Variants in KMT2C observed in about 807,000 individuals in gnomAD.
KMT2C encodes the protein lysine methyltransferase 2C, also known as histone-lysine N-methyltransferase 2C.
In KMT2C, 88 loss-of-function variants were observed where a neutral mutation model predicts 507.9. The ratio of observed to expected loss-of-function variants is 0.17; its 90% CI spans 0.15 to 0.21. The LOEUF (loss-of-function observed/expected upper bound fraction) is 0.21. Among genes scored for constraint, KMT2C ranks in the 10% least tolerant of loss-of-function variants. The pLI is 1.00. For synonymous variants in KMT2C, 2,049 were observed against 2,080.8 expected (o/e 0.98, Z 0.42); for missense variants, 4,954 against 5,957.8 (o/e 0.83, Z 5.55).
At chr7:152,355,317 T>C (rs2097143091) in intron 2 of KMT2C, among the ~76,000 whole-genome samples, 2 of 152,088 alleles carry the variant, frequency 1.3e-5, no homozygotes, top group Non-Finnish European at 2.9e-5. Flanking sequence ...ACACACTAAA[T>C]ATGAGATCCT....
chr7:152,163,702 G>T lies in KMT2C; in HGVS notation c.9875C>A (p.Pro3292Gln). 1 of 1,614,096 alleles carries T rather than the reference G, an allele frequency of 6.2e-7. No individual in the cohort carries two copies. Among genetic ancestry groups the T allele is most frequent in the Non-Finnish European group, 8.5e-7 (1 of 1,180,012 alleles). The change falls in exon 43 of 59, where the codon CCA becomes CAA. Residue 3292 changes from proline (P) to glutamine (Q), a missense_variant. Physicochemically the swap from Pro to Gln is moderately conservative, Grantham distance 76 (BLOSUM62 -1). Coordinates refer to ENST00000262189, the MANE Select transcript of KMT2C (RefSeq NM_170606.3). ...GCTCATGGTGGGTGGAGTGGCACCTGGAATTAGGGGTGGCTGGGGCTGGAC... is the reference window on the plus strand; with the variant it reads ...GCTCATGGTGGGTGGAGTGGCACCTTGAATTAGGGGTGGCTGGGGCTGGAC... ...PSVQPQPPLI[P>Q]GATPPTMSQP...
rs559765292 is a variant in KMT2C, at chr7:152,257,568, G to C, written c.1300-4853C>G. Among the ~76,000 whole-genome samples, 4 of 152,220 alleles carry C rather than the reference G, an allele frequency of 2.6e-5. No homozygotes were observed. The South Asian group carries it at 8.3e-4, about 32-fold the overall frequency. ...GAAGCAGACTTGCTTTTTAGATTGAGCAACTGAATAAATGTGCTGATGTTG... is the reference window on the plus strand; with the variant it reads ...GAAGCAGACTTGCTTTTTAGATTGACCAACTGAATAAATGTGCTGATGTTG... On this transcript the variant is annotated intron_variant, in intron 9 of 58. Coordinates refer to ENST00000262189, the MANE Select transcript of KMT2C (RefSeq NM_170606.3).
chr7:152,243,458 C>T (rs1403652293), intron 14 of KMT2C, among the ~76,000 whole-genome samples: 3 of 152,048 alleles, frequency 2.0e-5, no homozygotes, highest in Non-Finnish European at 4.4e-5. Flanking sequence ...AATACAGTAC[C>T]TATGTTTTCA....
intron 23 of KMT2C, among the ~76,000 whole-genome samples, chr7:152,217,301 G>A (rs952704869): frequency 2.0e-5 from 3 of 152,160 alleles, no homozygotes; most frequent in Non-Finnish European, 2.9e-5. Flanking sequence ...TTTTAGGGGT[G>A]TGTGTGTACA....
chr7:152,415,037 G>T (rs1589871398), intron 1 of KMT2C, among the ~76,000 whole-genome samples: 1 of 151,792 alleles, frequency 6.6e-6, no homozygotes, highest in African/African-American at 2.4e-5. Context: ...GTAGAGACAG[G>T]ATCTCACCAT....
At chr7:152,421,793 A>G (rs2097778678) in intron 1 of KMT2C, among the ~76,000 whole-genome samples, 2 of 152,268 alleles carry the variant, frequency 1.3e-5, no homozygotes, top group Admixed American at 6.5e-5. Flanking sequence ...TACTATGCTC[A>G]CTATCTGAGT....
chr7:152,347,527 G>C (rs529983854), intron 2 of KMT2C, among the ~76,000 whole-genome samples: 1 of 152,150 alleles, frequency 6.6e-6, no homozygotes, highest in Admixed American at 6.5e-5. Context: ...CAACACTTGA[G>C]TTCACTGCAA....
intron 23 of KMT2C, among the ~76,000 whole-genome samples, chr7:152,216,686 A>C (rs2094591798): frequency 2.0e-5 from 3 of 152,242 alleles, no homozygotes; most frequent in African/African-American, 7.2e-5. Context: ...AAAGACATGG[A>C]AACATTAAGC....
At chr7:152,297,095 A>AGAGAGAGAGAG (rs1563768364) in intron 6 of KMT2C, among the ~76,000 whole-genome samples, 22 of 109,968 alleles carry the variant, frequency 2.0e-4, no homozygotes, top group South Asian at 3.0e-4. Context: ...GAGAGAGAGA[A>AGAGAGAGAGAG]AGAAAGAAAG....
rs183096736 is a variant in KMT2C, at chr7:152,216,403, T to C, written c.3712+4120A>G. ...AGAAACAAAAAGTCATAGGTATTGT[T>C]CCAATACTCCAGGAACATCACAGTT... is the stretch of plus-strand genomic sequence containing the variant. On this transcript the variant is annotated intron_variant, in intron 23 of 58. Transcript: ENST00000262189. Among the ~76,000 whole-genome samples the C allele has an allele frequency of 5.8e-3, 884 of 152,324 alleles. 6 individuals are homozygous for C. Among genetic ancestry groups the C allele is most frequent in the African/African-American group, 0.02 (849 of 41,568 alleles).
rs183551076 is a variant in KMT2C at position 152,386,902 on chromosome 7, T to C, written c.162-28227A>G. 7.4e-4 allele frequency among the ~76,000 whole-genome samples: 112 copies of C among 152,284 alleles called. 1 individual carries two copies. Among genetic ancestry groups the C allele is most frequent in the Admixed American group, 3.9e-4 (6 of 15,292 alleles). Reference sequence around the variant, plus strand: ...ACAGAGCTCGGGATCTTAAGTGACTTCCAAGATCACAAGACCAGTAAGGGC... The same window carrying C: ...ACAGAGCTCGGGATCTTAAGTGACTCCCAAGATCACAAGACCAGTAAGGGC... On this transcript the variant is annotated intron_variant, in intron 1 of 58. Transcript: ENST00000262189.
chr7:152,348,150 T>C (rs906270577), intron 2 of KMT2C, among the ~76,000 whole-genome samples: 4 of 152,154 alleles, frequency 2.6e-5, no homozygotes, highest in Non-Finnish European at 4.4e-5. Context: ...CAAGAAGAAA[T>C]AATCTGAATA....
chr7:152,206,976 C>A (rs1483154396), intron 24 of KMT2C, among the ~76,000 whole-genome samples: 1 of 152,098 alleles, frequency 6.6e-6, no homozygotes, highest in East Asian at 1.9e-4. Flanking sequence ...CAGAAGTACA[C>A]ATCCAGAGGA....
intron 4 of KMT2C, among the ~76,000 whole-genome samples, chr7:152,312,471 G>T (rs531823099): frequency 9.0e-4 from 137 of 152,308 alleles, no homozygotes; most frequent in African/African-American, 3.0e-3. Context: ...GGAATGGAAT[G>T]TATCAGCTGT....
intron 16 of KMT2C, among the ~76,000 whole-genome samples, chr7:152,235,413 A>G (rs1282819744): frequency 6.6e-6 from 1 of 152,180 alleles, no homozygotes; most frequent in African/African-American, 2.4e-5. Flanking sequence ...TTTTAAAAAC[A>G]GAATTTTAAT....
At chr7:152,371,856 C>T (rs1452284096) in intron 1 of KMT2C, among the ~76,000 whole-genome samples, 1 of 151,650 alleles carries the variant, frequency 6.6e-6, no homozygotes, top group African/African-American at 2.4e-5. Context: ...TCAGGTGATC[C>T]ACCTGCCTTG....
At chr7:152,163,896 G>T in intron 42 of KMT2C, 70 bp from the exon 43 acceptor site, 1 of 1,461,358 alleles carries the variant, frequency 6.8e-7, no homozygotes, top group South Asian at 1.2e-5. Flanking sequence ...ACTGGCTGAT[G>T]ACTGTGGTTG....
Position 152,251,984 on chromosome 7 carries a change from G to C in KMT2C, c.1576C>G (p.Arg526Gly). 6.2e-7 allele frequency: 1 copy of C among 1,612,472 alleles called. No homozygotes were observed. The highest frequency in any genetic ancestry group is 8.5e-7 in the Non-Finnish European group (1 of 1,179,148). Residue 526 changes from arginine (R) to glycine (G), a missense_variant, in exon 11 of 59, where the codon CGT becomes GGT. Transcript: ENST00000262189. The stretch of plus-strand genomic sequence containing the variant: ...TCCACTTCCTCACCTGGCTGTAAAC[G>C]ATCCATCTCAGCTCCCAGGTGTTTA... ...YCKHLGAEMD[R>G]LQPGEEVEIA...
intron 18 of KMT2C, among the ~76,000 whole-genome samples, chr7:152,228,035 A>G (rs1229109428): frequency 6.6e-6 from 1 of 152,228 alleles, no homozygotes; most frequent in African/African-American, 2.4e-5. Context: ...ACAAGTTTAA[A>G]TAATACTAAG....
Sources: gnomAD v4.1 joint callset for allele counts (sites outside exome capture counted in the v4.1 genomes callset) on GRCh38, gnomAD v4.1.1 for gene constraint, MANE v1.5 for transcripts, NCBI Gene and HGNC (gene_info 2026-07-23, HGNC 2026-07-21) for gene names.